Variants in MAMLD1 observed in about 807,000 individuals in gnomAD.
The protein encoded by MAMLD1 is mastermind like domain containing 1.
MAMLD1 carries 14 observed loss-of-function variants against 45.0 expected under a neutral mutation model. That is an observed-to-expected ratio of 0.31 (90% CI 0.21 to 0.49). MAMLD1 has a LOEUF of 0.49. Ranked by LOEUF, MAMLD1 falls within the 20% of genes least tolerant of loss-of-function variation. The pLI is 0.99. For synonymous variants in MAMLD1, 254 were observed against 247.8 expected, an observed-to-expected ratio of 1.02 and a Z score of -0.24; for missense variants, 543 against 603.6, an observed-to-expected ratio of 0.90 and a Z score of 1.05.
At chrX:150,404,399 A>G (rs1337253723) in intron 1 of MAMLD1, among the ~76,000 whole-genome samples, 1 of 112,030 alleles carries the variant, frequency 8.9e-6, no homozygotes, top group Non-Finnish European at 1.9e-5. Flanking sequence ...CTAAGAAAGC[A>G]CAGGGCCATC....
At chrX:150,397,279 A>T (rs1450159910) in intron 1 of MAMLD1, among the ~76,000 whole-genome samples, 1 of 112,062 alleles carries the variant, frequency 8.9e-6, no homozygotes, top group Non-Finnish European at 1.9e-5. Context: ...TATTTTAAAA[A>T]TTGAGATTTC....
intron 5 of MAMLD1, among the ~76,000 whole-genome samples, chrX:150,500,744 T>C (rs2037526463): frequency 8.9e-6 from 1 of 112,161 alleles, no homozygotes; most frequent in African/African-American, 3.2e-5. Flanking sequence ...AGTTGAAATG[T>C]TCCTAACAAC....
At position 150,482,022 on chromosome X, in the gene MAMLD1, AAGAAAGAAAG is replaced by A. The variant is rs1203272789; in HGVS notation, c.2040+8222_2040+8231del. 4.6e-5 allele frequency among the ~76,000 whole-genome samples: 5 copies of A among 109,306 alleles called. 1 individual carries two copies. The highest frequency in any genetic ancestry group is 1.7e-4 in the African/African-American group (5 of 29,652). 94.9% of individuals were successfully genotyped at this position (109,306 alleles called of 115,157 possible). A position where few individuals can be genotyped will look rare whatever the true frequency, so the allele number is the denominator to read the frequency against. On this transcript the variant is annotated intron_variant, in intron 5 of 7. Coordinates refer to ENST00000370401, the MANE Select transcript of MAMLD1 (RefSeq NM_005491.5). ...AAAGAAAGAAAGAAAGAAAGAAAGAAAGAAAGAAAGAATTGAAAGCAGGGGCTCAACCAGT... is the reference window on the plus strand; with the variant it reads ...AAAGAAAGAAAGAAAGAAAGAAAGAAAATTGAAAGCAGGGGCTCAACCAGT...
chrX:150,378,758 A>G (rs371848760), intron 1 of MAMLD1, among the ~76,000 whole-genome samples: 98 of 111,224 alleles, frequency 8.8e-4, no homozygotes, highest in African/African-American at 2.9e-3. Flanking sequence ...ATTTATTTTG[A>G]TGCTCAAATT....
chrX:150,503,600 A>G, intron 6 of MAMLD1, 83 bp downstream of exon 6: 2 of 610,409 alleles, frequency 3.3e-6, no homozygotes, highest in Non-Finnish European at 5.4e-6. Flanking sequence ...CCTGCCTCAC[A>G]GGGTTGTTGG....
chrX:150,485,412 T>C (rs782335286), intron 5 of MAMLD1, among the ~76,000 whole-genome samples: 50 of 111,974 alleles, frequency 4.5e-4, no homozygotes, highest in African/African-American at 1.6e-3. Flanking sequence ...GGGCTTTTAA[T>C]TTTTTTGTTT....
chrX:150,488,802 T>C (rs1040361605), intron 5 of MAMLD1, among the ~76,000 whole-genome samples: 4 of 112,988 alleles, frequency 3.5e-5, no homozygotes, highest in East Asian at 5.5e-4. Flanking sequence ...AACAGACCCA[T>C]ATAAGCCACC....
chrX:150,372,283 G>A (rs996683797), intron 1 of MAMLD1, among the ~76,000 whole-genome samples: 1 of 112,190 alleles, frequency 8.9e-6, no homozygotes, highest in East Asian at 2.8e-4. Context: ...TCGTTTTCGA[G>A]TTGCTGTCAG....
intron 5 of MAMLD1, among the ~76,000 whole-genome samples, chrX:150,488,618 A>G (rs2037072546): frequency 1.8e-5 from 2 of 113,203 alleles, no homozygotes; most frequent in Admixed American, 1.9e-4. Context: ...AAACTGACTA[A>G]AAGTATATCC....
intron 5 of MAMLD1, among the ~76,000 whole-genome samples, chrX:150,475,209 C>T (rs1557406806): frequency 9.1e-6 from 1 of 109,532 alleles, no homozygotes; most frequent in East Asian, 2.9e-4. Context: ...AGGTTTTGTG[C>T]GGGGGGTGGG....
chrX:150,486,274 T>C (rs2036983346), intron 5 of MAMLD1, among the ~76,000 whole-genome samples: 1 of 111,916 alleles, frequency 8.9e-6, no homozygotes, highest in Non-Finnish European at 1.9e-5. Flanking sequence ...TCCTGCCCCA[T>C]TCAGAGAGCA....
At chrX:150,373,398 T>C (rs1225221387) in intron 1 of MAMLD1, among the ~76,000 whole-genome samples, 2 of 110,472 alleles carry the variant, frequency 1.8e-5, no homozygotes, top group Non-Finnish European at 3.8e-5. Context: ...GATTTGAGAG[T>C]TGGCCAGGTT....
At chrX:150,440,205 C>T (rs1234011404) in intron 1 of MAMLD1, among the ~76,000 whole-genome samples, 7 of 111,047 alleles carry the variant, frequency 6.3e-5, no homozygotes, top group African/African-American at 2.3e-4. Context: ...TATTGAACTA[C>T]CCTTGCACAC....
upstream of MAMLD1, among the ~76,000 whole-genome samples, chrX:150,362,153 G>A (rs1323865725): frequency 8.9e-6 from 1 of 112,247 alleles, no homozygotes; most frequent in Non-Finnish European, 1.9e-5. Flanking sequence ...CAGTCAGGGC[G>A]CGAGCTGGTG....
intron 1 of MAMLD1, among the ~76,000 whole-genome samples, chrX:150,431,224 C>CA (rs2034929197): frequency 9.0e-6 from 1 of 111,387 alleles, no homozygotes; most frequent in East Asian, 2.8e-4. Flanking sequence ...ATTCCGATGT[C>CA]TGTGTGTTCA....
At chrX:150,431,787 A>G (rs1264121272) in intron 1 of MAMLD1, among the ~76,000 whole-genome samples, 1 of 109,871 alleles carries the variant, frequency 9.1e-6, no homozygotes, top group Non-Finnish European at 1.9e-5. Context: ...TTCACAGTGT[A>G]TATATACAAC....
At chrX:150,492,554 C>T (rs1343860719) in intron 5 of MAMLD1, among the ~76,000 whole-genome samples, 8 of 112,053 alleles carry the variant, frequency 7.1e-5, no homozygotes, top group Non-Finnish European at 1.5e-4. Context: ...GGGATAGTCA[C>T]AACAAGGTGC....
intron 1 of MAMLD1, among the ~76,000 whole-genome samples, chrX:150,417,570 C>T (rs1361081829): frequency 9.1e-6 from 1 of 109,885 alleles, no homozygotes; most frequent in Non-Finnish European, 1.9e-5. Flanking sequence ...TTCTAGATCC[C>T]TGAGGAATCT....
chrX:150,450,477 T>G (rs782323989), intron 2 of MAMLD1, among the ~76,000 whole-genome samples: 6 of 111,680 alleles, frequency 5.4e-5, no homozygotes, highest in African/African-American at 2.0e-4. Context: ...TAGGGGCTAG[T>G]TAATCTAGAG....
Sources: gnomAD v4.1 joint callset for allele counts (sites outside exome capture counted in the v4.1 genomes callset) on GRCh38, gnomAD v4.1.1 for gene constraint, MANE v1.5 for transcripts, NCBI Gene and HGNC (gene_info 2026-07-23, HGNC 2026-07-21) for gene names.